CCL17: variants seen among roughly 807,000 people sequenced by gnomAD.
CCL17 encodes C-C motif chemokine 17.
Under a neutral mutation model 7.4 loss-of-function variants are expected in CCL17, and 8 were observed. The observed-to-expected ratio is 1.09, with a 90% CI of 0.64 to 1.96. The LOEUF (loss-of-function observed/expected upper bound fraction) is 1.96. CCL17 is among the 30% of genes most tolerant of loss of function. The pLI is 0.00. For missense variants in CCL17, 102 were observed against 113.0 expected, an observed-to-expected ratio of 0.90 and a Z score of 0.44; for synonymous variants, 40 against 46.1, an observed-to-expected ratio of 0.87 and a Z score of 0.54.
rs377027328 is a variant in CCL17, at chr16:57,415,136, T to G, written c.126T>G (p.Ile42Met). Residue 42 changes from isoleucine (I) to methionine (M), a missense_variant, in exon 3 of 4, where the codon ATT becomes ATG. Ile to Met is a conservative substitution (Grantham distance 10). Coordinates refer to ENST00000219244, the MANE Select transcript of CCL17 (RefSeq NM_002987.3). The surrounding 1 kb of genome is among the most constrained non-coding windows in gnomAD (Gnocchi z 4.5). Reference sequence around the variant, plus strand: ...GCCTGGAGTACTTCAAGGGAGCCATTCCCCTTAGAAAGCTGAAGACGTGGT... The same window carrying G: ...GCCTGGAGTACTTCAAGGGAGCCATGCCCCTTAGAAAGCTGAAGACGTGGT... ...ECCLEYFKGA[I>M]PLRKLKTWYQ... The G allele has an allele frequency of 3.0e-5, 49 of 1,613,814 alleles. No homozygotes were observed. The highest frequency in any genetic ancestry group is 4.2e-5 in the Non-Finnish European group (49 of 1,179,920).
chr16:57,397,938 G>A, the CCL17 span, among the ~76,000 whole-genome samples: 1 of 152,158 alleles, frequency 6.6e-6, no homozygotes, highest in Non-Finnish European at 1.5e-5. Flanking sequence ...TTAAGGTCAG[G>A]ATTAGCTAAG....
At chr16:57,399,881 G>T (rs977269560), upstream of CCL17, among the ~76,000 whole-genome samples, 2 of 152,124 alleles carry the variant, frequency 1.3e-5, no homozygotes, top group African/African-American at 2.4e-5. Flanking sequence ...AAAACACCAT[G>T]GGTGCAGTCT....
chr16:57,404,588 G>A (rs940796973), upstream of CCL17, among the ~76,000 whole-genome samples: 1 of 152,132 alleles, frequency 6.6e-6, no homozygotes, highest in African/African-American at 2.4e-5. Flanking sequence ...TAGGCAGCTG[G>A]ACGTAGAAGG....
intron 1 of CCL17, among the ~76,000 whole-genome samples, chr16:57,411,714 G>A (rs993869497): frequency 1.4e-4 from 21 of 152,216 alleles, no homozygotes; most frequent in African/African-American, 4.8e-4. Context: ...CGGCGGAGGC[G>A]CCCCTTCCTG....
chr16:57,403,571 T>TA (rs1902645097), upstream of CCL17, among the ~76,000 whole-genome samples: 1 of 52,844 alleles, frequency 1.9e-5, no homozygotes, highest in Non-Finnish European at 3.2e-5. Flanking sequence ...ATAATATATA[T>TA]TTATAATATA....
At chr16:57,413,038 C>G (rs564560583) in intron 1 of CCL17, among the ~76,000 whole-genome samples, 1 of 152,208 alleles carries the variant, frequency 6.6e-6, no homozygotes, top group African/African-American at 2.4e-5. Context: ...CAGGGCCTGG[C>G]TCAGGCTGGA....
At chr16:57,405,228 C>A (rs150872576) in intron 1 of CCL17, among the ~76,000 whole-genome samples, 189 of 152,202 alleles carry the variant, frequency 1.2e-3, no homozygotes, top group Non-Finnish European at 2.4e-3. Context: ...GGGCATGCAG[C>A]TGATGAGGGA....
intron 1 of CCL17, among the ~76,000 whole-genome samples, chr16:57,410,155 C>T (rs1029557181): frequency 7.2e-5 from 11 of 152,296 alleles, no homozygotes; most frequent in East Asian, 1.9e-4. Flanking sequence ...ATCCTGGTTC[C>T]GCCCACTGCC....
At chr16:57,398,153 C>G in the CCL17 span, among the ~76,000 whole-genome samples, 1 of 152,144 alleles carries the variant, frequency 6.6e-6, no homozygotes, top group East Asian at 1.9e-4. Flanking sequence ...TCTTTTGGCA[C>G]CTAGTATGCC....
chr16:57,406,547 C>A (rs1902698876), intron 1 of CCL17, among the ~76,000 whole-genome samples: 1 of 152,102 alleles, frequency 6.6e-6, no homozygotes, highest in East Asian at 1.9e-4. Context: ...GCCCCAACAC[C>A]CACCCCAGCC....
At chr16:57,404,244 G>C (rs1281961431), upstream of CCL17, among the ~76,000 whole-genome samples, 2 of 152,150 alleles carry the variant, frequency 1.3e-5, no homozygotes, top group Non-Finnish European at 2.9e-5. Context: ...TTCTGAACAC[G>C]GGAGATTCAT....
chr16:57,397,530 T>C, the CCL17 span, among the ~76,000 whole-genome samples: 1 of 152,234 alleles, frequency 6.6e-6, no homozygotes, highest in Non-Finnish European at 1.5e-5. Context: ...CCTCAGCGTC[T>C]GCCTGACGGT....
At chr16:57,403,269 A>T (rs868093847), upstream of CCL17, among the ~76,000 whole-genome samples, 13 of 832 alleles carry the variant, frequency 0.016, 4 homozygotes, top group African/African-American at 0.032. Flanking sequence ...TAATATATAT[A>T]ATATATATTA....
At chr16:57,403,391 TAA>T (rs1902627199), upstream of CCL17, among the ~76,000 whole-genome samples, 1 of 21,064 alleles carries the variant, frequency 4.7e-5, no homozygotes, top group South Asian at 1.5e-3. Context: ...ATATTATATA[TAA>T]TATATATATT....
chr16:57,411,590 G>T (rs1258778881), intron 1 of CCL17, among the ~76,000 whole-genome samples: 1 of 152,256 alleles, frequency 6.6e-6, no homozygotes, highest in Non-Finnish European at 1.5e-5. Context: ...CCTTGCAGTT[G>T]TGTAGCACAG....
rs566376966 is a variant in CCL17, at chr16:57,415,695, C to G, written c.189-70C>G. 9 of 967,200 alleles carry G rather than the reference C, an allele frequency of 9.3e-6. No homozygotes were observed. The Admixed American group carries it at 1.2e-4, about 13-fold the overall frequency. The allele number at this position is 967,200 out of a possible 1,614,324, so 59.9% of individuals were successfully genotyped here. On this transcript the variant is annotated intron_variant, in intron 3 of 3. Transcript: ENST00000219244. This position sits in a 1 kb window ranked among gnomAD's most constrained non-coding sequence, Gnocchi z 4.5. The stretch of plus-strand genomic sequence containing the variant: ...CCTTGGAATCCTGGTCAGCACAGGG[C>G]GGGCCGTCCCAGGGACTCTGGGGGC...
upstream of CCL17, among the ~76,000 whole-genome samples, chr16:57,402,605 T>C (rs1902608700): frequency 6.6e-6 from 1 of 152,078 alleles, no homozygotes; most frequent in Non-Finnish European, 1.5e-5. Flanking sequence ...GCCTTTGAAG[T>C]AGCTTGGAAA....
chr16:57,407,840 C>T (rs1007188514), intron 1 of CCL17, among the ~76,000 whole-genome samples: 3 of 151,944 alleles, frequency 2.0e-5, no homozygotes, highest in African/African-American at 7.3e-5. Context: ...ATTCATTCAT[C>T]TACCCATCCA....
intron 1 of CCL17, among the ~76,000 whole-genome samples, chr16:57,409,408 G>C (rs1483466527): frequency 3.3e-5 from 5 of 152,348 alleles, no homozygotes; most frequent in Admixed American, 3.3e-4. Flanking sequence ...GGAGGAAAAA[G>C]TTGAGCCTGG....
Sources: gnomAD v4.1 joint callset for allele counts (sites outside exome capture counted in the v4.1 genomes callset) on GRCh38, gnomAD v4.1.1 for gene constraint, Gnocchi (gnomAD v3.1) non-coding constraint, MANE v1.5 for transcripts, NCBI Gene and HGNC (gene_info 2026-07-23, HGNC 2026-07-21) for gene names.